IGF2R: variants seen among roughly 807,000 people sequenced by gnomAD.
IGF2R encodes the protein insulin like growth factor 2 receptor.
A neutral mutation model predicts 270.6 loss-of-function variants in IGF2R; 91 were observed. The ratio of observed to expected loss-of-function variants is 0.34; its 90% CI spans 0.28 to 0.40. The LOEUF is 0.40. Ranked by LOEUF, IGF2R falls within the 10% of genes least tolerant of loss-of-function variation. The probability of loss-of-function intolerance (pLI) is 1.00; values close to 1 mark genes in which losing one functional copy is unlikely to be tolerated. For synonymous variants in IGF2R, 1,316 were observed against 1,258.9 expected, an observed-to-expected ratio of 1.05 and a Z score of -0.96; for missense variants, 2,805 against 3,188.3, an observed-to-expected ratio of 0.88 and a Z score of 2.90.
At chr6:160,068,924 G>A (rs746202989) in intron 30 of IGF2R, among the ~76,000 whole-genome samples, 1 of 152,150 alleles carries the variant, frequency 6.6e-6, no homozygotes, top group Non-Finnish European at 1.5e-5. Context: ...GTATGGCCCA[G>A]GGTAAATCAG....
Position 160,070,032 on chromosome 6 carries a change from C to T in IGF2R, c.4417C>T (p.Arg1473Ter), listed in dbSNP as rs1778680648. The change falls in exon 31 of 48, where the codon CGA becomes TGA. Residue 1473 changes from arginine (R) to a stop codon, truncating the protein, a stop_gained. Transcript: ENST00000356956. LOFTEE classifies it high-confidence loss of function. ...DGIRKKSTTI[R>*]FTCSESQVNS... The stretch of plus-strand genomic sequence containing the variant: ...GATTCGGAAAAAGTCAACCACCATC[C>T]GATTCACCTGCAGCGAGAGCCAAGT... 4.3e-6 allele frequency: 7 copies of T among 1,614,200 alleles called. No individual in the cohort carries two copies. The highest frequency in any genetic ancestry group is 5.9e-6 in the Non-Finnish European group (7 of 1,180,022).
intron 1 of IGF2R, among the ~76,000 whole-genome samples, chr6:159,988,887 T>C (rs1330413792): frequency 2.0e-5 from 3 of 152,172 alleles, no homozygotes; most frequent in African/African-American, 4.8e-5. Flanking sequence ...GAAATACTTG[T>C]GAAACACATG....
At chr6:160,092,621 A>G (rs941702103) in intron 44 of IGF2R, among the ~76,000 whole-genome samples, 2 of 152,154 alleles carry the variant, frequency 1.3e-5, no homozygotes, top group African/African-American at 4.8e-5. Flanking sequence ...TTCCTTCGGG[A>G]GGGCAGAGCT....
At chr6:160,019,760 TC>T (rs1167686209) in intron 4 of IGF2R, among the ~76,000 whole-genome samples, 1 of 152,082 alleles carries the variant, frequency 6.6e-6, no homozygotes. Context: ...AAATTCAACA[TC>T]CCTTAATGAA....
intron 7 of IGF2R, among the ~76,000 whole-genome samples, chr6:160,030,443 G>C (rs1226537575): frequency 6.6e-6 from 1 of 152,206 alleles, no homozygotes; most frequent in Non-Finnish European, 1.5e-5. Context: ...CCTGGTGTGT[G>C]TGGGATATGG....
chr6:160,064,403 C>T lies in IGF2R; in HGVS notation c.3889C>T (p.Leu1297Phe), dbSNP rs568135607. 1 of 1,614,174 alleles carries T rather than the reference C, an allele frequency of 6.2e-7. No individual in the cohort carries two copies. The highest frequency in any genetic ancestry group is 2.2e-5 in the East Asian group (1 of 44,892). ...EPQGFHKVAG[L>F]LTQKLTYENG... Reference sequence around the variant, plus strand: ...TTTAATGTTCTCCTTCTTTACAGGTCTCCTGACTCAGAAGCTAACTTATGA... The same window carrying T: ...TTTAATGTTCTCCTTCTTTACAGGTTTCCTGACTCAGAAGCTAACTTATGA... The change falls in exon 28 of 48, where the codon CTC (leucine) becomes TTC (phenylalanine). Residue 1297 changes from leucine to phenylalanine, a missense_variant and splice_region_variant. Leu to Phe is a conservative substitution (Grantham distance 22). Coordinates refer to ENST00000356956, the MANE Select transcript of IGF2R (RefSeq NM_000876.4).
rs192088841 is a variant in IGF2R at position 159,986,309 on chromosome 6, G to A, written c.150-4875G>A. Among the ~76,000 whole-genome samples, 54 of 149,624 alleles carry A rather than the reference G, an allele frequency of 3.6e-4. No individual in the cohort carries two copies. In the Middle Eastern group the frequency reaches 0.01, roughly 28 times the overall value. On this transcript the variant is annotated intron_variant, in intron 1 of 47. Coordinates refer to ENST00000356956, the MANE Select transcript of IGF2R (RefSeq NM_000876.4). ...TGCAGTGGTGCGATCTCGGCTCACT[G>A]CAACCTCCACCTCCTGGATTCAAGC...
Position 160,105,053 on chromosome 6 carries a change from A to G in IGF2R, c.7445A>G (p.Asp2482Gly), listed in dbSNP as rs772440498. The change falls in exon 48 of 48, where the codon GAC becomes GGC. Residue 2482 changes from aspartate to glycine, a missense_variant. Coordinates refer to ENST00000356956, the MANE Select transcript of IGF2R (RefSeq NM_000876.4). Reference sequence around the variant, plus strand: ...TCCACCAAGCTGGTGTCCTTCCATGACGACAGCGACGAGGACCTCTTACAC... The same window carrying G: ...TCCACCAAGCTGGTGTCCTTCCATGGCGACAGCGACGAGGACCTCTTACAC... Reference protein sequence around the residue: ...VSSTKLVSFHDDSDEDLLHI With the variant: ...VSSTKLVSFHGDSDEDLLHI 54 of 1,602,966 alleles carry G rather than the reference A, an allele frequency of 3.4e-5. No individual in the cohort carries two copies. The highest frequency in any genetic ancestry group is 4.5e-5 in the Non-Finnish European group (53 of 1,174,366).
At chr6:160,012,302 TGAGGGTGGGAGCACAG>T in intron 4 of IGF2R, among the ~76,000 whole-genome samples, 1 of 151,850 alleles carries the variant, frequency 6.6e-6, no homozygotes, top group South Asian at 2.1e-4. Flanking sequence ...GGTTTGGGGG[TGAGGGTGGGAGCACAG>T]TGTGTTCATT....
chr6:160,020,474 A>G (rs1185958406), intron 4 of IGF2R, among the ~76,000 whole-genome samples: 1 of 152,196 alleles, frequency 6.6e-6, no homozygotes, highest in Non-Finnish European at 1.5e-5. Flanking sequence ...CCCCCAAAAA[A>G]TCTTAATAGC....
At chr6:159,997,612 A>G (rs1182717654) in intron 2 of IGF2R, among the ~76,000 whole-genome samples, 3 of 152,110 alleles carry the variant, frequency 2.0e-5, no homozygotes, top group African/African-American at 7.2e-5. Context: ...AAGGAATACC[A>G]AGTCCCTCAG....
At chr6:160,072,122 A>G (rs2115274512) in intron 32 of IGF2R, 86 bp downstream of exon 32, 1 of 1,572,110 alleles carries the variant, frequency 6.4e-7, no homozygotes, top group Admixed American at 1.7e-5. Context: ...AGAGACCCAA[A>G]GAGAAGCTAT....
rs758866315 is a variant in IGF2R, at chr6:160,047,209, A to G, written c.2102A>G (p.Tyr701Cys). ...LGLSNAKLSY[Y>C]DGMIQLNYRG... is the part of the protein sequence containing the mutation. ...CTGAGTAATGCGAAGCTTTCATATT[A>G]TGATGGGATGATCCAACTGAACTAC... Residue 701 changes from tyrosine (Y) to cysteine (C), a missense_variant, in exon 16 of 48, where the codon TAT becomes TGT. Tyr to Cys is a radical substitution (Grantham distance 194, BLOSUM62 -2). This residue lies in a region of IGF2R where 954 missense variants were observed against 981.1 expected (regional missense o/e 0.97). Coordinates refer to ENST00000356956, the MANE Select transcript of IGF2R (RefSeq NM_000876.4). 1.2e-6 allele frequency: 2 copies of G among 1,614,048 alleles called. No individual in the cohort carries two copies. The highest frequency in any genetic ancestry group is 1.1e-5 in the South Asian group (1 of 91,094).
At chr6:160,070,567 G>A (rs555851719) in intron 31 of IGF2R, among the ~76,000 whole-genome samples, 3 of 152,300 alleles carry the variant, frequency 2.0e-5, no homozygotes, top group Admixed American at 6.5e-5. Context: ...TCTGACACAC[G>A]GGAGATGCAC....
chr6:160,081,479 C>A (rs1778981321), intron 39 of IGF2R, among the ~76,000 whole-genome samples: 1 of 152,214 alleles, frequency 6.6e-6, no homozygotes, highest in South Asian at 2.1e-4. Flanking sequence ...CAGCGCGAAA[C>A]TAGAATCACT....
At chr6:160,027,990 C>T (rs146841742) in intron 6 of IGF2R, among the ~76,000 whole-genome samples, 40 of 152,256 alleles carry the variant, frequency 2.6e-4, no homozygotes, top group Non-Finnish European at 4.6e-4. Context: ...TATAATGGCA[C>T]TCTGTCCAAA....
intron 1 of IGF2R, among the ~76,000 whole-genome samples, chr6:159,988,437 C>T (rs181783755): frequency 7.6e-5 from 11 of 144,244 alleles, no homozygotes; most frequent in Admixed American, 5.2e-4. Context: ...GGCGTGAACC[C>T]GGGAGGTGGA....
At chr6:159,975,704 A>AT (rs1783682319) in intron 1 of IGF2R, among the ~76,000 whole-genome samples, 1 of 147,042 alleles carries the variant, frequency 6.8e-6, no homozygotes, top group Non-Finnish European at 1.5e-5. Flanking sequence ...ATATATATAA[A>AT]GTATATGTAT....
At chr6:160,021,989 C>T (rs1479634643) in intron 4 of IGF2R, among the ~76,000 whole-genome samples, 1 of 142,218 alleles carries the variant, frequency 7.0e-6, no homozygotes, top group Non-Finnish European at 1.5e-5. Context: ...CGTTAAGTGC[C>T]CACCAACGGA....
Sources: allele counts gnomAD v4.1 joint callset (sites outside exome capture counted in the v4.1 genomes callset), GRCh38; gene constraint gnomAD v4.1.1; regional missense constraint gnomAD v4.1.1; transcripts MANE v1.5; gene names NCBI Gene and HGNC (gene_info 2026-07-23, HGNC 2026-07-21).